PSMA6: variants seen among roughly 807,000 people sequenced by gnomAD.
PSMA6 encodes proteasome 20S subunit alpha 6.
For synonymous variants in PSMA6, 88 were observed against 97.7 expected, an observed-to-expected ratio of 0.90 and a Z score of 0.59; for missense variants, 170 against 294.8, an observed-to-expected ratio of 0.58 and a Z score of 3.10.
intron 1 of PSMA6, among the ~76,000 whole-genome samples, chr14:35,278,970 T>A (rs1273167803): frequency 6.6e-6 from 1 of 152,206 alleles, no homozygotes; most frequent in Non-Finnish European, 1.5e-5. Flanking sequence ...AGGAACTCTT[T>A]CGTAACATGT....
upstream of PSMA6, chr14:35,292,345 C>T (rs903693385): frequency 1.5e-5 from 23 of 1,514,048 alleles, no homozygotes; most frequent in Non-Finnish European, 1.9e-5. Flanking sequence ...GCCGTGAGTT[C>T]GGCATGCAAG....
chr14:35,307,710 G>A (rs34384582), intron 1 of PSMA6, among the ~76,000 whole-genome samples: 13,563 of 151,980 alleles, frequency 0.089, 1,010 homozygotes, highest in African/African-American at 0.18. Flanking sequence ...CTCCAGCCTG[G>A]GTGACAGAGC....
chr14:35,305,197 C>T (rs756362664), intron 1 of PSMA6, among the ~76,000 whole-genome samples: 5 of 148,294 alleles, frequency 3.4e-5, no homozygotes, highest in South Asian at 2.1e-4. Flanking sequence ...GGCTGGAGTA[C>T]GGTGGTGTGA....
At position 35,292,391 on chromosome 14, in the gene PSMA6, C is replaced by A. The variant is rs905082865; in HGVS notation, c.-86C>A. 2 of 1,543,806 alleles carry A rather than the reference C, an allele frequency of 1.3e-6. No individual in the cohort carries two copies. Among genetic ancestry groups the A allele is most frequent in the Non-Finnish European group, 1.7e-6 (2 of 1,146,030 alleles). Reference sequence around the variant, plus strand: ...ACGCGGCTGGTACCCCGGAAGCAGTCGCTGCAACTTCCGGGAGGTGCTTGT... The same window carrying A: ...ACGCGGCTGGTACCCCGGAAGCAGTAGCTGCAACTTCCGGGAGGTGCTTGT... On this transcript the variant is annotated 5_prime_UTR_variant, in exon 1 of 7. Coordinates refer to ENST00000261479, the MANE Select transcript of PSMA6 (RefSeq NM_002791.3).
upstream of PSMA6, among the ~76,000 whole-genome samples, chr14:35,290,749 A>T (rs1351848641): frequency 1.3e-5 from 2 of 152,114 alleles, no homozygotes; most frequent in Non-Finnish European, 2.9e-5. Flanking sequence ...CTATCCTAAC[A>T]TTATGTTTTG....
At chr14:35,288,280 T>C (rs1249773022), upstream of PSMA6, among the ~76,000 whole-genome samples, 1 of 152,182 alleles carries the variant, frequency 6.6e-6, no homozygotes, top group Non-Finnish European at 1.5e-5. Flanking sequence ...GGCGGATCAC[T>C]TGAGGCCAGG....
At chr14:35,282,865 A>C (rs2051381393) in intron 1 of PSMA6, among the ~76,000 whole-genome samples, 1 of 151,526 alleles carries the variant, frequency 6.6e-6, no homozygotes, top group Non-Finnish European at 1.5e-5. Flanking sequence ...CCTGGGCAAC[A>C]GAGTGAGACC....
chr14:35,315,796 A>G (rs1223776826), intron 6 of PSMA6: 1 of 151,738 alleles, frequency 6.6e-6, no homozygotes, highest in Non-Finnish European at 1.5e-5. Flanking sequence ...CTGTTTGGAG[A>G]CCTTCCTGCC....
At chr14:35,281,414 G>A (rs1407384150) in intron 1 of PSMA6, among the ~76,000 whole-genome samples, 1 of 152,132 alleles carries the variant, frequency 6.6e-6, no homozygotes, top group East Asian at 1.9e-4. Context: ...AAGTGGGGAA[G>A]ATGGGCCATC....
chr14:35,317,007 A>G (rs1353258509), intron 6 of PSMA6: 11 of 382,900 alleles, frequency 2.9e-5, no homozygotes, highest in Non-Finnish European at 4.6e-5. Flanking sequence ...ACAATTCTAA[A>G]TCTGATGTCA....
intron 1 of PSMA6, among the ~76,000 whole-genome samples, chr14:35,279,480 T>C (rs570113837): frequency 1.3e-5 from 2 of 152,368 alleles, no homozygotes; most frequent in South Asian, 4.1e-4. Flanking sequence ...GCTTGCTTTG[T>C]TCAGAAGGAA....
chr14:35,301,518 A>C (rs928009784), intron 1 of PSMA6, among the ~76,000 whole-genome samples: 2 of 152,054 alleles, frequency 1.3e-5, no homozygotes, highest in African/African-American at 4.8e-5. Flanking sequence ...AAAAAAAAAA[A>C]ACTTTAAAAT....
At chr14:35,312,396 A>G (rs547648726) in intron 4 of PSMA6, among the ~76,000 whole-genome samples, 3 of 150,586 alleles carry the variant, frequency 2.0e-5, no homozygotes, top group East Asian at 3.9e-4. Flanking sequence ...AGTCCCAGCT[A>G]CTCGGGAGGC....
At chr14:35,311,996 A>T (rs2051952750) in intron 4 of PSMA6, among the ~76,000 whole-genome samples, 1 of 152,198 alleles carries the variant, frequency 6.6e-6, no homozygotes. Flanking sequence ...AAAGTTAAAT[A>T]GGTCAATCTA....
intron 1 of PSMA6, among the ~76,000 whole-genome samples, chr14:35,279,031 T>C (rs1187180796): frequency 2.0e-5 from 3 of 151,988 alleles, no homozygotes; most frequent in African/African-American, 7.3e-5. Context: ...TACAGTCACT[T>C]CTTCCTCATG....
chr14:35,304,457 G>A (rs1027597382), intron 1 of PSMA6, among the ~76,000 whole-genome samples: 3 of 152,078 alleles, frequency 2.0e-5, no homozygotes, highest in African/African-American at 4.8e-5. Flanking sequence ...TAGGCTGAGC[G>A]CGGTCGCTCA....
chr14:35,312,633 T>A (rs1254615705), intron 4 of PSMA6: 1 of 430,416 alleles, frequency 2.3e-6, no homozygotes, highest in Non-Finnish European at 4.0e-6. Context: ...ATTTTTAAAT[T>A]GTATTTGTAA....
At chr14:35,301,861 A>G (rs1258551299) in intron 1 of PSMA6, among the ~76,000 whole-genome samples, 1 of 152,214 alleles carries the variant, frequency 6.6e-6, no homozygotes, top group Non-Finnish European at 1.5e-5. Flanking sequence ...TTCAGGGATG[A>G]CAGACACAAA....
At chr14:35,285,636 G>C (rs572589049) in intron 1 of PSMA6, among the ~76,000 whole-genome samples, 3 of 152,336 alleles carry the variant, frequency 2.0e-5, no homozygotes, top group African/African-American at 4.8e-5. Flanking sequence ...AGGCTGTTGA[G>C]TCTTATTTCC....
Sources: allele counts gnomAD v4.1 joint callset (sites outside exome capture counted in the v4.1 genomes callset), GRCh38; gene constraint gnomAD v4.1.1; transcripts MANE v1.5; gene names NCBI Gene and HGNC (gene_info 2026-07-23, HGNC 2026-07-21).